Variants in SUGCT observed in about 807,000 individuals in gnomAD.
SUGCT encodes the protein succinyl-CoA:glutarate CoA-transferase.
In SUGCT, 41 loss-of-function variants were observed where a neutral mutation model predicts 55.0. That is an observed-to-expected ratio of 0.74 (90% CI 0.58 to 0.97). The LOEUF is 0.97. Among genes scored for constraint, SUGCT ranks in the 50% least tolerant of loss-of-function variants. SUGCT has a pLI of 0.00. For missense variants in SUGCT, 568 were observed against 547.8 expected, an observed-to-expected ratio of 1.04 and a Z score of -0.37; for synonymous variants, 187 against 200.4, an observed-to-expected ratio of 0.93 and a Z score of 0.56.
intron 11 of SUGCT, among the ~76,000 whole-genome samples, chr7:40,472,485 G>A (rs1475949929): frequency 2.6e-5 from 4 of 152,022 alleles, no homozygotes; most frequent in East Asian, 1.9e-4. Context: ...AATATTAACC[G>A]TGGTTGTCTC....
At chr7:40,683,981 G>T in intron 12 of SUGCT, 2 of 1,585,408 alleles carry the variant, frequency 1.3e-6, no homozygotes, top group Non-Finnish European at 8.6e-7. Flanking sequence ...CCTTGATCAT[G>T]TGTGTTACTG....
At chr7:40,139,094 C>T (rs1047194938) in intron 1 of SUGCT, among the ~76,000 whole-genome samples, 1 of 151,286 alleles carries the variant, frequency 6.6e-6, no homozygotes, top group Admixed American at 6.6e-5. Flanking sequence ...CATTGTACTC[C>T]AGCCTGGGCG....
At chr7:40,693,260 G>A (rs1784775954) in intron 12 of SUGCT, among the ~76,000 whole-genome samples, 1 of 152,136 alleles carries the variant, frequency 6.6e-6, no homozygotes, top group Admixed American at 6.6e-5. Context: ...TGTGAACTTG[G>A]ACAAGTTAAT....
At chr7:40,720,132 C>G (rs1251414164) in intron 12 of SUGCT, among the ~76,000 whole-genome samples, 1 of 152,104 alleles carries the variant, frequency 6.6e-6, no homozygotes, top group African/African-American at 2.4e-5. Flanking sequence ...AGATTCTAGT[C>G]CCCCCACTGC....
At chr7:40,690,209 A>G (rs1784634079) in intron 12 of SUGCT, among the ~76,000 whole-genome samples, 1 of 152,206 alleles carries the variant, frequency 6.6e-6, no homozygotes, top group South Asian at 2.1e-4. Flanking sequence ...AATGGTTACA[A>G]TTTGGTTGTC....
At chr7:40,627,447 A>G (rs1196584178) in intron 12 of SUGCT, among the ~76,000 whole-genome samples, 2 of 152,156 alleles carry the variant, frequency 1.3e-5, no homozygotes, top group Non-Finnish European at 2.9e-5. Flanking sequence ...TGAAGTTACA[A>G]AGGTCACATT....
intron 10 of SUGCT, among the ~76,000 whole-genome samples, chr7:40,455,830 T>C (rs958619386): frequency 6.6e-6 from 1 of 152,218 alleles, no homozygotes; most frequent in East Asian, 1.9e-4. Context: ...TCATATTTTC[T>C]ATCATACTGG....
At chr7:40,534,223 T>A (rs1402670688) in intron 12 of SUGCT, among the ~76,000 whole-genome samples, 3 of 152,258 alleles carry the variant, frequency 2.0e-5, no homozygotes, top group Non-Finnish European at 2.9e-5. Context: ...TTACCACAGA[T>A]TCTGTTTTTG....
At chr7:40,893,759 C>T in the SUGCT span, among the ~76,000 whole-genome samples, 4 of 152,158 alleles carry the variant, frequency 2.6e-5, no homozygotes, top group African/African-American at 9.7e-5. Flanking sequence ...ATTTACTTGA[C>T]TTCAAACTAT....
the SUGCT span, among the ~76,000 whole-genome samples, chr7:40,939,632 TG>T: frequency 6.6e-6 from 1 of 152,170 alleles, no homozygotes; most frequent in Non-Finnish European, 1.5e-5. Flanking sequence ...ATGTCCCTGA[TG>T]ATTAGTGATA....
intron 12 of SUGCT, among the ~76,000 whole-genome samples, chr7:40,592,187 CT>C (rs1489841507): frequency 6.6e-6 from 1 of 152,168 alleles, no homozygotes; most frequent in Non-Finnish European, 1.5e-5. Context: ...TCTAAGATCA[CT>C]TTCACCCTCA....
At chr7:40,404,163 C>G (rs1456425184) in intron 9 of SUGCT, among the ~76,000 whole-genome samples, 2 of 152,150 alleles carry the variant, frequency 1.3e-5, no homozygotes, top group Non-Finnish European at 2.9e-5. Context: ...CTGCCAGGAC[C>G]TCAGGAAACT....
At chr7:41,032,521 T>C in the SUGCT span, among the ~76,000 whole-genome samples, 3 of 152,194 alleles carry the variant, frequency 2.0e-5, no homozygotes, top group Non-Finnish European at 4.4e-5. Context: ...GTAGACTCAC[T>C]GTAAGTACAC....
intron 9 of SUGCT, among the ~76,000 whole-genome samples, chr7:40,340,932 A>G (rs545102466): frequency 5.1e-4 from 78 of 152,332 alleles, no homozygotes; most frequent in African/African-American, 1.7e-3. Context: ...GAGGTGAGGT[A>G]TGTAGTATTA....
At chr7:40,244,074 G>A (rs914971224) in intron 7 of SUGCT, among the ~76,000 whole-genome samples, 2 of 152,172 alleles carry the variant, frequency 1.3e-5, no homozygotes, top group Non-Finnish European at 2.9e-5. Context: ...TTGGGAGGCT[G>A]AGGCAAGAGA....
intron 6 of SUGCT, among the ~76,000 whole-genome samples, chr7:40,201,202 A>G (rs1786582417): frequency 6.6e-6 from 1 of 152,148 alleles, no homozygotes; most frequent in South Asian, 2.1e-4. Flanking sequence ...ATGAAGGAAA[A>G]AGGAAGGAGG....
chr7:40,526,263 A>G (rs1344502795), intron 12 of SUGCT, among the ~76,000 whole-genome samples: 1 of 152,090 alleles, frequency 6.6e-6, no homozygotes, highest in African/African-American at 2.4e-5. Context: ...TTGACTTGGT[A>G]TATATAGGGT....
At chr7:40,681,029 A>G (rs546029250) in intron 12 of SUGCT, among the ~76,000 whole-genome samples, 2 of 152,344 alleles carry the variant, frequency 1.3e-5, no homozygotes, top group East Asian at 1.9e-4. Flanking sequence ...CCTCATTTAT[A>G]ATACACCTCA....
intron 8 of SUGCT, among the ~76,000 whole-genome samples, chr7:40,286,638 C>A (rs1364785924): frequency 6.6e-6 from 1 of 152,122 alleles, no homozygotes; most frequent in African/African-American, 2.4e-5. Context: ...CTGCTTCAGG[C>A]CTTTGCATTT....
Sources: gnomAD v4.1 joint callset for allele counts (sites outside exome capture counted in the v4.1 genomes callset) on GRCh38, gnomAD v4.1.1 for gene constraint, MANE v1.5 for transcripts, NCBI Gene and HGNC (gene_info 2026-07-23, HGNC 2026-07-21) for gene names.